OPCML: variants seen among roughly 807,000 people sequenced by gnomAD.
The protein encoded by OPCML is opioid-binding protein/cell adhesion molecule.
A neutral mutation model predicts 37.8 loss-of-function variants in OPCML; 13 were observed. That is an observed-to-expected ratio of 0.34 (90% CI 0.22 to 0.55). OPCML has a LOEUF of 0.55. Among genes scored for constraint, OPCML ranks in the 20% least tolerant of loss-of-function variants. The probability of loss-of-function intolerance (pLI) is 0.91; values close to 1 mark genes in which losing one functional copy is unlikely to be tolerated. For synonymous variants in OPCML, 176 were observed against 168.8 expected (o/e 1.04, Z -0.33); for missense variants, 341 against 435.6 (o/e 0.78, Z 1.93).
At chr11:132,427,004 A>T (rs1413564455) in intron 7 of OPCML, among the ~76,000 whole-genome samples, 4 of 152,346 alleles carry the variant, frequency 2.6e-5, no homozygotes, top group Non-Finnish European at 4.4e-5. Flanking sequence ...TGTAGTGTAT[A>T]TAACAAGCCA....
At chr11:133,195,656 A>G (rs1809727672) in intron 1 of OPCML, among the ~76,000 whole-genome samples, 1 of 152,212 alleles carries the variant, frequency 6.6e-6, no homozygotes, top group African/African-American at 2.4e-5. Context: ...TTATCATGGA[A>G]GTGGTCTTTG....
At chr11:133,511,613 T>A (rs1014424015) in intron 1 of OPCML, among the ~76,000 whole-genome samples, 8 of 152,060 alleles carry the variant, frequency 5.3e-5, no homozygotes, top group African/African-American at 1.7e-4. Context: ...TGCCCAAGTG[T>A]GGCCTCCTTC....
intron 1 of OPCML, among the ~76,000 whole-genome samples, chr11:132,999,152 C>G (rs576298191): frequency 6.6e-6 from 1 of 152,320 alleles, no homozygotes; most frequent in African/African-American, 2.4e-5. Flanking sequence ...CCTGCCCTAT[C>G]TGGCAGGAGC....
intron 2 of OPCML, among the ~76,000 whole-genome samples, chr11:132,698,474 TTTTTAATAAGG>T (rs1943686866): frequency 1.3e-5 from 2 of 152,188 alleles, no homozygotes; most frequent in South Asian, 2.1e-4. Flanking sequence ...CCTTTGCCCA[TTTTTAATAAGG>T]TTTTATTTTC....
chr11:132,861,365 G>A (rs1942291395), intron 2 of OPCML, among the ~76,000 whole-genome samples: 2 of 152,106 alleles, frequency 1.3e-5, no homozygotes, highest in Non-Finnish European at 2.9e-5. Context: ...TGAAAAACAG[G>A]AAAATAACTC....
At chr11:133,436,666 C>T (rs189639181) in intron 1 of OPCML, among the ~76,000 whole-genome samples, 4 of 152,266 alleles carry the variant, frequency 2.6e-5, no homozygotes, top group Admixed American at 1.3e-4. Flanking sequence ...TAGGGAAATA[C>T]GGGTTTAGGG....
intron 1 of OPCML, among the ~76,000 whole-genome samples, chr11:133,304,682 G>C (rs1942867969): frequency 1.3e-5 from 2 of 152,150 alleles, no homozygotes; most frequent in South Asian, 4.1e-4. Context: ...CAAGATGAAG[G>C]AAGGTACCCT....
intron 2 of OPCML, among the ~76,000 whole-genome samples, chr11:132,924,612 A>G (rs917165955): frequency 2.6e-5 from 4 of 152,240 alleles, no homozygotes; most frequent in Admixed American, 6.5e-5. Flanking sequence ...GAAATTCAAT[A>G]TAATTCTTAT....
intron 3 of OPCML, among the ~76,000 whole-genome samples, chr11:132,582,492 T>C (rs1222215596): frequency 2.0e-5 from 3 of 151,946 alleles, no homozygotes; most frequent in African/African-American, 7.3e-5. Context: ...GTATGCAGAG[T>C]ATGCATTTTG....
At chr11:132,947,264 A>C (rs1945764486) in intron 1 of OPCML, among the ~76,000 whole-genome samples, 1 of 152,248 alleles carries the variant, frequency 6.6e-6, no homozygotes, top group Non-Finnish European at 1.5e-5. Flanking sequence ...CAAGTAAAGA[A>C]GAGCAGCAGA....
At chr11:132,593,496 C>T (rs1438572644) in intron 3 of OPCML, among the ~76,000 whole-genome samples, 7 of 152,138 alleles carry the variant, frequency 4.6e-5, no homozygotes, top group Non-Finnish European at 1.0e-4. Flanking sequence ...AATATGTAGC[C>T]TCCTTCATAT....
At chr11:133,355,496 A>C (rs1052231327) in intron 1 of OPCML, among the ~76,000 whole-genome samples, 6 of 152,180 alleles carry the variant, frequency 3.9e-5, no homozygotes, top group Non-Finnish European at 8.8e-5. Flanking sequence ...TTTGGAAAAA[A>C]ACTTCTAGGT....
intron 1 of OPCML, among the ~76,000 whole-genome samples, chr11:133,179,496 CG>C (rs1038823193): frequency 2.0e-5 from 3 of 152,080 alleles, no homozygotes; most frequent in Non-Finnish European, 2.9e-5. Flanking sequence ...ACATAGGGAG[CG>C]GGGCCCCCTG....
intron 4 of OPCML, among the ~76,000 whole-genome samples, chr11:132,514,040 C>A (rs1269286609): frequency 1.3e-5 from 2 of 152,124 alleles, no homozygotes; most frequent in African/African-American, 2.4e-5. Context: ...ATACATTTAG[C>A]CAAAGTCTCC....
intron 1 of OPCML, among the ~76,000 whole-genome samples, chr11:133,471,742 T>C (rs888128206): frequency 2.0e-5 from 3 of 152,190 alleles, no homozygotes; most frequent in South Asian, 2.1e-4. Context: ...TCCATGATGC[T>C]CATGACAGGG....
intron 2 of OPCML, among the ~76,000 whole-genome samples, chr11:132,920,055 T>C (rs1944738870): frequency 6.6e-6 from 1 of 152,186 alleles, no homozygotes; most frequent in Non-Finnish European, 1.5e-5. Context: ...GAAAATATAC[T>C]GGAATTAGAT....
intron 1 of OPCML, among the ~76,000 whole-genome samples, chr11:133,270,378 C>T (rs182410145): frequency 2.8e-4 from 42 of 152,006 alleles, no homozygotes; most frequent in African/African-American, 8.4e-4. Flanking sequence ...AAAAAAAAAA[C>T]CATCTCTTTG....
intron 1 of OPCML, among the ~76,000 whole-genome samples, chr11:133,499,832 ATGTGTATG>A (rs1947870102): frequency 7.1e-6 from 1 of 140,892 alleles, no homozygotes; most frequent in South Asian, 2.1e-4. Context: ...ACACATATAT[ATGTGTATG>A]TATATATATA....
intron 3 of OPCML, among the ~76,000 whole-genome samples, chr11:132,534,773 A>T (rs2096335858): frequency 6.6e-6 from 1 of 152,162 alleles, no homozygotes; most frequent in African/African-American, 2.4e-5. Flanking sequence ...GGTTGTTGCA[A>T]GAACTAAATA....
Sources: gnomAD v4.1 joint callset for allele counts (sites outside exome capture counted in the v4.1 genomes callset) on GRCh38, gnomAD v4.1.1 for gene constraint, MANE v1.5 for transcripts, NCBI Gene and HGNC (gene_info 2026-07-23, HGNC 2026-07-21) for gene names.